SPG21: variants seen among roughly 807,000 people sequenced by gnomAD.
SPG21 encodes maspardin.
In SPG21, 26 loss-of-function variants were observed where a neutral mutation model predicts 38.9. The ratio of observed to expected loss-of-function variants is 0.67; its 90% confidence interval spans 0.49 to 0.93. SPG21 has a LOEUF of 0.93. SPG21 is among the 40% of genes least tolerant of loss of function. The pLI is 0.00. For missense variants in SPG21, 333 were observed against 376.5 expected (o/e 0.88, Z 0.96); for synonymous variants, 136 against 128.9 (o/e 1.05, Z -0.37).
At chr15:64,978,250 C>A (rs1347004172) in intron 3 of SPG21, among the ~76,000 whole-genome samples, 1 of 151,768 alleles carries the variant, frequency 6.6e-6, no homozygotes, top group Non-Finnish European at 1.5e-5. Flanking sequence ...GAGTTCGAGA[C>A]CAGCCTGGAC....
chr15:64,975,656 T>A (rs1230648616), intron 4 of SPG21, among the ~76,000 whole-genome samples: 2 of 152,152 alleles, frequency 1.3e-5, no homozygotes, highest in African/African-American at 2.4e-5. Context: ...CAAAAACTTG[T>A]ACATGAATGT....
chr15:64,965,612 C>T, intron 7 of SPG21, 152 bp from the exon 8 acceptor site: 1 of 1,178,390 alleles, frequency 8.5e-7, no homozygotes, highest in Non-Finnish European at 1.2e-6. Flanking sequence ...AATCCTGAAC[C>T]CCCAGCAGCC....
chr15:64,985,484 A>T (rs1258250063), intron 1 of SPG21, among the ~76,000 whole-genome samples: 1 of 152,246 alleles, frequency 6.6e-6, no homozygotes, highest in Non-Finnish European at 1.5e-5. Context: ...TTGCTCAGGC[A>T]TCTGTGCTAT....
chr15:64,965,093 G>C (rs1595865937), intron 8 of SPG21, among the ~76,000 whole-genome samples: 1 of 152,256 alleles, frequency 6.6e-6, no homozygotes, highest in Admixed American at 6.5e-5. Context: ...CAGGCCTGCT[G>C]TCCTTAGAAA....
At chr15:64,971,689 A>G (rs1390985916) in intron 5 of SPG21, among the ~76,000 whole-genome samples, 1 of 151,964 alleles carries the variant, frequency 6.6e-6, no homozygotes, top group African/African-American at 2.4e-5. Context: ...TACAAAAATT[A>G]GCCAGGGGCG....
chr15:64,969,232 A>G (rs2085610726), intron 7 of SPG21, 23 bp downstream of exon 7: 1 of 1,451,744 alleles, frequency 6.9e-7, no homozygotes, highest in Admixed American at 1.7e-5. Flanking sequence ...TAAAGCAGCT[A>G]TTTTACTTAA....
At chr15:64,974,859 A>G (rs557386337) in intron 4 of SPG21, 112 bp from the exon 5 acceptor site, 2 of 1,160,450 alleles carry the variant, frequency 1.7e-6, no homozygotes, top group East Asian at 2.5e-5. Flanking sequence ...TCACTAGCCA[A>G]TAGACTAAAA....
At chr15:64,969,496 C>T (rs1192479815) in intron 6 of SPG21, 134 bp from the exon 7 acceptor site, 2 of 700,810 alleles carry the variant, frequency 2.9e-6, no homozygotes, top group Non-Finnish European at 2.6e-6. Flanking sequence ...CAGTGAGGAA[C>T]CACAACTTAG....
At chr15:64,972,854 AAAC>A (rs1180877617) in intron 5 of SPG21, among the ~76,000 whole-genome samples, 1 of 140,266 alleles carries the variant, frequency 7.1e-6, no homozygotes, top group African/African-American at 2.5e-5. Context: ...ACAAAAAAAC[AAAC>A]AACAACAAAA....
intron 7 of SPG21, among the ~76,000 whole-genome samples, chr15:64,967,569 A>G (rs1009759492): frequency 6.6e-5 from 10 of 151,934 alleles, no homozygotes; most frequent in African/African-American, 2.2e-4. Context: ...CACCGCCCAG[A>G]TTCAAGCAAT....
intron 1 of SPG21, among the ~76,000 whole-genome samples, chr15:64,984,391 T>C (rs1274203108): frequency 6.6e-6 from 1 of 152,188 alleles, no homozygotes; most frequent in Non-Finnish European, 1.5e-5. Context: ...CTTGCTCTGT[T>C]GTCCAGGCTG....
intron 5 of SPG21, among the ~76,000 whole-genome samples, chr15:64,972,244 G>C (rs2085681169): frequency 6.6e-6 from 1 of 152,152 alleles, no homozygotes; most frequent in Non-Finnish European, 1.5e-5. Flanking sequence ...TGAAGGTGAT[G>C]AGGTCTAAGT....
intron 7 of SPG21, among the ~76,000 whole-genome samples, chr15:64,968,340 C>CAAAAAA (rs11305475): frequency 6.4e-5 from 7 of 109,542 alleles, no homozygotes; most frequent in Non-Finnish European, 8.8e-5. Context: ...ACCCTGTTTC[C>CAAAAAA]AAAAAAAAAA....
In SPG21 at chr15:64,985,270, C is replaced by A. The variant is rs150553800; in HGVS notation, c.-24-1677G>T. Among the ~76,000 whole-genome samples, 34 of 152,300 alleles carry A rather than the reference C, an allele frequency of 2.2e-4. 1 individual carries two copies. The East Asian group carries it at 6.4e-3, about 29-fold the overall frequency. ...TCTGTGATCTTAGATAAGTCTTGAT[C>A]CTTTTGGAGTTTGTTTCCTCATCTA... On this transcript the variant is annotated intron_variant, in intron 1 of 8. Coordinates refer to ENST00000204566, the MANE Select transcript of SPG21 (RefSeq NM_016630.7).
At position 64,983,572 on chromosome 15, in the gene SPG21, T is replaced by G; in HGVS notation, c.-3A>C. On this transcript the variant is annotated 5_prime_UTR_variant, in exon 2 of 9. Coordinates refer to ENST00000204566, the MANE Select transcript of SPG21 (RefSeq NM_016630.7). ...GGAGAGACTTTAATCTCTCCCATGA[T>G]TAGCTGAAATGGAGGTTAATCCTGA... is the stretch of plus-strand genomic sequence containing the variant. 6.4e-7 allele frequency: 1 copy of G among 1,568,256 alleles called. No individual in the cohort carries two copies. Among genetic ancestry groups the G allele is most frequent in the Non-Finnish European group, 8.7e-7 (1 of 1,152,034 alleles).
intron 8 of SPG21, among the ~76,000 whole-genome samples, chr15:64,964,687 A>G (rs2085509852): frequency 6.6e-6 from 1 of 151,868 alleles, no homozygotes; most frequent in Non-Finnish European, 1.5e-5. Context: ...CTGGAGTGCA[A>G]TGGCGTGACC....
At chr15:64,987,170 A>G (rs1320755394) in intron 1 of SPG21, 1 of 152,230 alleles carries the variant, frequency 6.6e-6, no homozygotes, top group Non-Finnish European at 1.5e-5. Context: ...GATGTTCCTT[A>G]CCAACAGTCT....
intron 7 of SPG21, among the ~76,000 whole-genome samples, chr15:64,967,633 C>A (rs1017857952): frequency 2.6e-5 from 4 of 152,100 alleles, no homozygotes; most frequent in Non-Finnish European, 5.9e-5. Flanking sequence ...GCCACCATGC[C>A]CGGCTAATTT....
At chr15:64,986,827 A>G (rs1156402848) in intron 1 of SPG21, among the ~76,000 whole-genome samples, 1 of 152,218 alleles carries the variant, frequency 6.6e-6, no homozygotes, top group African/African-American at 2.4e-5. Context: ...ATTCTGGAAT[A>G]TTTTCTACCT....
Sources: allele counts gnomAD v4.1 joint callset (sites outside exome capture counted in the v4.1 genomes callset), GRCh38; gene constraint gnomAD v4.1.1; transcripts MANE v1.5; gene names NCBI Gene and HGNC (gene_info 2026-07-23, HGNC 2026-07-21).